Variants in KDM4C observed in about 807,000 individuals in gnomAD.
The protein encoded by KDM4C is lysine-specific demethylase 4C.
A neutral mutation model predicts 129.3 loss-of-function variants in KDM4C; 81 were observed. That is an observed-to-expected ratio of 0.63 (90% CI 0.52 to 0.75). The LOEUF is 0.75. KDM4C is among the 30% of genes least tolerant of loss of function. The pLI is 0.00. For missense variants in KDM4C, 1,457 were observed against 1,304.0 expected (o/e 1.12, Z -1.81); for synonymous variants, 573 against 456.1 (o/e 1.26, Z -3.26).
intron 8 of KDM4C, among the ~76,000 whole-genome samples, chr9:6,940,006 CTTCCTTCCTTCCTTCCTTCCTTCCTTCT>C (rs1381643980): frequency 3.4e-4 from 44 of 129,084 alleles, no homozygotes; most frequent in African/African-American, 8.7e-4. Context: ...TCCTTCCTTC[CTTCCTTCCTTCCTTCCTTCCTTCCTTCT>C]TTCCTTCCTT....
intron 17 of KDM4C, among the ~76,000 whole-genome samples, chr9:7,062,959 A>T (rs1486133436): frequency 6.6e-6 from 1 of 152,192 alleles, no homozygotes; most frequent in African/African-American, 2.4e-5. Context: ...TATGAAAATT[A>T]TGGAAAACTA....
intron 1 of KDM4C, among the ~76,000 whole-genome samples, chr9:6,771,422 C>G (rs1011473853): frequency 6.6e-6 from 1 of 151,956 alleles, no homozygotes; most frequent in African/African-American, 2.4e-5. Flanking sequence ...AGTGATTCTC[C>G]TGCCTCAGCC....
chr9:7,166,332 A>G (rs1036724457), intron 20 of KDM4C, among the ~76,000 whole-genome samples: 1 of 152,220 alleles, frequency 6.6e-6, no homozygotes, highest in Non-Finnish European at 1.5e-5. Flanking sequence ...CCTGGAGCAC[A>G]GTGTAATTAA....
intron 1 of KDM4C, among the ~76,000 whole-genome samples, chr9:6,731,540 G>GGCC (rs989513535): frequency 4.1e-4 from 62 of 151,680 alleles, no homozygotes; most frequent in African/African-American, 1.4e-3. Flanking sequence ...TCTCCATGTT[G>GGCC]AGGCTGGTCT....
intron 20 of KDM4C, among the ~76,000 whole-genome samples, chr9:7,166,034 G>A (rs1439250498): frequency 1.3e-5 from 2 of 152,190 alleles, no homozygotes; most frequent in Non-Finnish European, 2.9e-5. Flanking sequence ...AACATGGATA[G>A]CACGTGCACA....
rs145163059 is a variant in KDM4C at position 6,877,058 on chromosome 9, G to T, written c.630-2954G>T. 3.6e-3 allele frequency among the ~76,000 whole-genome samples: 548 copies of T among 152,130 alleles called. 3 individuals carry two copies. The highest frequency in any genetic ancestry group is 0.012 in the African/African-American group (497 of 41,486). On this transcript the variant is annotated intron_variant, in intron 5 of 21. Coordinates refer to ENST00000381309, the MANE Select transcript of KDM4C (RefSeq NM_015061.6). ...GAATCAGCTAGGGAGCTTTTTTCAGGGTATGCTGGGTACTTCATCCCTGAG... is the reference window on the plus strand; with the variant it reads ...GAATCAGCTAGGGAGCTTTTTTCAGTGTATGCTGGGTACTTCATCCCTGAG...
chr9:7,131,374 C>T (rs1049918368), intron 19 of KDM4C, among the ~76,000 whole-genome samples: 1 of 152,072 alleles, frequency 6.6e-6, no homozygotes, highest in African/African-American at 2.4e-5. Flanking sequence ...TTTTTTTCCC[C>T]TTATAATATT....
intron 1 of KDM4C, among the ~76,000 whole-genome samples, chr9:6,772,462 A>G (rs1364515958): frequency 6.6e-6 from 1 of 152,094 alleles, no homozygotes; most frequent in African/African-American, 2.4e-5. Context: ...CCTGCGTTCA[A>G]GCGATTCTCC....
At chr9:7,036,022 A>C (rs1430747934) in intron 15 of KDM4C, among the ~76,000 whole-genome samples, 1 of 152,042 alleles carries the variant, frequency 6.6e-6, no homozygotes, top group Non-Finnish European at 1.5e-5. Context: ...TTCTGTGAAG[A>C]GTGTCATTGG....
At chr9:6,923,959 A>T (rs969142393) in intron 8 of KDM4C, among the ~76,000 whole-genome samples, 2 of 151,988 alleles carry the variant, frequency 1.3e-5, no homozygotes, top group African/African-American at 4.8e-5. Flanking sequence ...GGGGCATGGG[A>T]TTCTTCTTTC....
intron 6 of KDM4C, among the ~76,000 whole-genome samples, chr9:6,886,548 G>C (rs1166887708): frequency 1.4e-5 from 2 of 145,762 alleles, no homozygotes; most frequent in Non-Finnish European, 1.5e-5. Context: ...CTGGAGTACA[G>C]TGGCACGATC....
At chr9:7,104,085 A>G (rs1837411289) in intron 18 of KDM4C, 2 of 526,436 alleles carry the variant, frequency 3.8e-6, no homozygotes, top group Non-Finnish European at 6.9e-6. Flanking sequence ...GGCACAATAA[A>G]TCTGTCTGAG....
Position 6,799,430 on chromosome 9 carries a change from C to T in KDM4C, c.145-6169C>T, listed in dbSNP as rs551263402. 2.0e-5 allele frequency among the ~76,000 whole-genome samples: 3 copies of T among 152,198 alleles called. No homozygotes were observed. In the South Asian group the frequency reaches 6.2e-4, roughly 32 times the overall value. On this transcript the variant is annotated intron_variant, in intron 2 of 21. Transcript: ENST00000381309. ...AAATACGAAAACCAGTCAGGAGTGG[C>T]GGCGCGCGTCTGCAATCGCAGGCAC...
intron 18 of KDM4C, among the ~76,000 whole-genome samples, chr9:7,115,312 T>G (rs144966460): frequency 6.6e-6 from 1 of 152,322 alleles, no homozygotes; most frequent in East Asian, 1.9e-4. Context: ...TTTAAGCTTT[T>G]CAACAATTTG....
chr9:7,009,304 G>A (rs1822255110), intron 12 of KDM4C, among the ~76,000 whole-genome samples: 1 of 152,170 alleles, frequency 6.6e-6, no homozygotes, highest in Non-Finnish European at 1.5e-5. Context: ...CTGAATGACT[G>A]TAGTTTGTCT....
chr9:7,103,885 C>T lies in KDM4C; in HGVS notation c.2610+15C>T. The T allele has an allele frequency of 6.2e-7, 1 of 1,611,954 alleles. No homozygotes were observed. Among genetic ancestry groups the T allele is most frequent in the East Asian group, 2.2e-5 (1 of 44,806 alleles). ...ACCCCAACGTGGTAAGATGTGCCCT[C>T]CCTTCCTCAGTGCTAAGACCGTGTC... is the stretch of plus-strand genomic sequence containing the variant. On this transcript the variant is annotated intron_variant, in intron 18 of 21. Coordinates refer to ENST00000381309, the MANE Select transcript of KDM4C (RefSeq NM_015061.6).
At chr9:6,900,504 A>C (rs570065488) in intron 8 of KDM4C, among the ~76,000 whole-genome samples, 6 of 152,160 alleles carry the variant, frequency 3.9e-5, no homozygotes, top group Non-Finnish European at 2.9e-5. Context: ...GCATGGTGGC[A>C]TACGCCTGTC....
chr9:7,169,772 T>C, intron 20 of KDM4C, 26 bp from the exon 21 acceptor site: 1 of 1,573,518 alleles, frequency 6.4e-7, no homozygotes, highest in African/African-American at 1.4e-5. Flanking sequence ...TTTTAATATG[T>C]ATCATGTTAT....
intron 8 of KDM4C, among the ~76,000 whole-genome samples, chr9:6,930,600 A>G (rs1823504156): frequency 7.3e-6 from 1 of 137,678 alleles, no homozygotes. Context: ...TCATATGTAT[A>G]TAATAAAACA....
Sources: allele counts gnomAD v4.1 joint callset (sites outside exome capture counted in the v4.1 genomes callset), GRCh38; gene constraint gnomAD v4.1.1; transcripts MANE v1.5; gene names NCBI Gene and HGNC (gene_info 2026-07-23, HGNC 2026-07-21).